The following TRAF6 variants were observed in gnomAD, a reference collection of about 807,000 sequenced individuals.
The protein encoded by TRAF6 is TNF receptor-associated factor 6.
A neutral mutation model predicts 48.4 loss-of-function variants in TRAF6; 10 were observed. The observed-to-expected ratio is 0.21, with a 90% CI of 0.13 to 0.35. The LOEUF (loss-of-function observed/expected upper bound fraction) is 0.35, where lower values mean the gene tolerates loss of function less well. Among genes scored for constraint, TRAF6 ranks in the 10% least tolerant of loss-of-function variants. TRAF6 has a pLI of 1.00. For synonymous variants in TRAF6, 186 were observed against 219.6 expected, an observed-to-expected ratio of 0.85 and a Z score of 1.35; for missense variants, 397 against 661.0, an observed-to-expected ratio of 0.60 and a Z score of 4.38.
intron 1 of TRAF6, among the ~76,000 whole-genome samples, chr11:36,509,376 G>A (rs1349316639): frequency 6.6e-6 from 1 of 151,308 alleles, no homozygotes. Flanking sequence ...ACAATCGCTC[G>A]AACTACCGAG....
intron 1 of TRAF6, among the ~76,000 whole-genome samples, chr11:36,505,170 C>T (rs1859768363): frequency 6.6e-6 from 1 of 152,142 alleles, no homozygotes; most frequent in African/African-American, 2.4e-5. Context: ...TCAGCCTGTC[C>T]TTTAAAATTT....
chr11:36,508,178 T>G (rs1859833392), intron 1 of TRAF6, among the ~76,000 whole-genome samples: 1 of 152,104 alleles, frequency 6.6e-6, no homozygotes, highest in Non-Finnish European at 1.5e-5. Flanking sequence ...TATTCTAGTA[T>G]ACTTACGTGG....
rs1859502460 is a variant in TRAF6 at position 36,487,538 on chromosome 11, G to A, written c.*2300C>T. ...AGAGGAAAGTATCAGTGTCAGCAAA[G>A]AGTAAGTTAAAGACATTTTATACTG... is the stretch of plus-strand genomic sequence containing the variant. On this transcript the variant is annotated 3_prime_UTR_variant, in exon 7 of 7. Coordinates refer to ENST00000526995, the MANE Select transcript of TRAF6 (RefSeq NM_004620.4). The A allele has an allele frequency of 6.6e-6, 1 of 152,190 alleles. No homozygotes were observed. Among genetic ancestry groups the A allele is most frequent in the African/African-American group, 2.4e-5 (1 of 41,444 alleles). 9.4% of individuals were successfully genotyped at this position (152,190 alleles called of 1,614,324 possible).
Position 36,491,538 on chromosome 11 carries a change from A to G in TRAF6, c.757-888T>C, listed in dbSNP as rs79965715. Among the ~76,000 whole-genome samples the G allele has an allele frequency of 5.9e-5, 9 of 152,326 alleles. No individual in the cohort carries two copies. In the East Asian group the frequency reaches 1.7e-3, roughly 29 times the overall value. On this transcript the variant is annotated intron_variant, in intron 6 of 6. Transcript: ENST00000526995. The stretch of plus-strand genomic sequence containing the variant: ...AGTCAGGGAAAAAAAAGTATAATGG[A>G]AAACCAAAAGTGTAACTGCACTCTC...
intron 1 of TRAF6, among the ~76,000 whole-genome samples, chr11:36,503,776 T>G (rs1056244173): frequency 6.6e-5 from 10 of 152,158 alleles, no homozygotes; most frequent in Non-Finnish European, 1.5e-4. Flanking sequence ...CTTTATACCT[T>G]CCAAATCTGA....
chr11:36,490,574 T>C lies in TRAF6; in HGVS notation c.833A>G (p.His278Arg). Residue 278 changes from histidine (H) to arginine (R), a missense_variant, in exon 7 of 7, where the codon CAT (histidine) becomes CGT (arginine). Transcript: ENST00000526995. The surrounding 1 kb of genome is among the most constrained non-coding windows in gnomAD (Gnocchi z 6.4). ...SHMRMLAQAVHSLSVIPDSGY... is the reference protein window; with the variant it reads ...SHMRMLAQAVRSLSVIPDSGY... Reference sequence around the variant, plus strand: ...AGAGTCGGGTATAACGCTCAAACTATGAACAGCCTGGGCCAACATTCTCAT... The same window carrying C: ...AGAGTCGGGTATAACGCTCAAACTACGAACAGCCTGGGCCAACATTCTCAT... The C allele has an allele frequency of 1.9e-6, 3 of 1,614,200 alleles. No individual in the cohort carries two copies. Among genetic ancestry groups the C allele is most frequent in the Middle Eastern group, 1.7e-4 (1 of 6,058 alleles).
chr11:36,508,687 T>C (rs1859844510), intron 1 of TRAF6, among the ~76,000 whole-genome samples: 1 of 152,186 alleles, frequency 6.6e-6, no homozygotes. Context: ...AAACAGAAAC[T>C]GTTTACCAGC....
chr11:36,492,470 T>C (rs1859576501), intron 6 of TRAF6, 81 bp downstream of exon 6: 1 of 1,135,810 alleles, frequency 8.8e-7, no homozygotes, highest in Non-Finnish European at 1.3e-6. Flanking sequence ...TACATCTACA[T>C]TCTTGTTGTT....
chr11:36,508,190 T>C (rs994093301), intron 1 of TRAF6, among the ~76,000 whole-genome samples: 2 of 152,226 alleles, frequency 1.3e-5, no homozygotes, highest in East Asian at 3.9e-4. Flanking sequence ...CTTACGTGGC[T>C]TTCTACAGGA....
rs779230479 is a variant in TRAF6 at position 36,501,394 on chromosome 11, C to T, written c.122G>A (p.Ser41Asn). 6.2e-7 allele frequency: 1 copy of T among 1,614,182 alleles called. No homozygotes were observed. Among genetic ancestry groups the T allele is most frequent in the South Asian group, 1.1e-5 (1 of 91,082 alleles). Residue 41 changes from serine to asparagine, a missense_variant, in exon 2 of 7, where the codon AGC becomes AAC. Ser to Asn is a conservative substitution (Grantham distance 46). Transcript: ENST00000526995. ...TKDDSVGGTASTGNLSSSFME... is the reference protein window; with the variant it reads ...TKDDSVGGTANTGNLSSSFME... ...AAATGAGCTGGAGAGGTTCCCCGTG[C>T]TGGCAGTTCCACCCACACTATCATC...
chr11:36,484,327 A>T lies in TRAF6; in HGVS notation c.*5511T>A, dbSNP rs1037498266. On this transcript the variant is annotated 3_prime_UTR_variant, in exon 7 of 7. Coordinates refer to ENST00000526995, the MANE Select transcript of TRAF6 (RefSeq NM_004620.4). ...TTTCCCCACCCTTATCTTTGCATTC[A>T]CTCCCTCTCATAAAGGATGCATTTT... 6.6e-6 allele frequency among the ~76,000 whole-genome samples: 1 copy of T among 151,826 alleles called. No individual in the cohort carries two copies. The highest frequency in any genetic ancestry group is 1.5e-5 in the Non-Finnish European group (1 of 67,980).
rs1331347492 is a variant in TRAF6, at chr11:36,489,138, G to A, written c.*700C>T. The A allele has an allele frequency of 1.3e-5, 2 of 152,480 alleles. No individual in the cohort carries two copies. Among genetic ancestry groups the A allele is most frequent in the African/African-American group, 2.4e-5 (1 of 41,558 alleles). The allele number at this position is 152,480 out of a possible 1,614,324, so 9.4% of individuals were successfully genotyped here. ...TAAACTCTGGGGAAGATGCTACTTC[G>A]TAACCTCAAGGAAATAAGTAAGCAA... On this transcript the variant is annotated 3_prime_UTR_variant, in exon 7 of 7. Transcript: ENST00000526995.
rs1859712412 is a variant in TRAF6 at position 36,501,333 on chromosome 11, G to T, written c.183C>A (p.Asp61Glu). 5.0e-6 allele frequency: 8 copies of T among 1,614,036 alleles called. No homozygotes were observed. The highest frequency in any genetic ancestry group is 6.8e-6 in the Non-Finnish European group (8 of 1,180,014). The part of the protein sequence containing the change: ...EEIQGYDVEF[D>E]PPLESKYECP... ...ATTCATACTTGCTTTCCAGGGGTGG[G>T]TCAAACTCTACATCATATCCCTGGA... The change falls in exon 2 of 7, where the codon GAC becomes GAA. Residue 61 changes from aspartate (D) to glutamate (E), a missense_variant. By Grantham distance (45) the Asp-to-Glu change is conservative (BLOSUM62 2). Transcript: ENST00000526995.
At chr11:36,507,799 G>A (rs4480521) in intron 1 of TRAF6, among the ~76,000 whole-genome samples, 71,303 of 140,496 alleles carry the variant, frequency 0.51, 19,900 homozygotes, top group East Asian at 0.72. Flanking sequence ...TATTATATAT[G>A]TGTATATATA....
At position 36,490,403 on chromosome 11, in the gene TRAF6, C is replaced by T; in HGVS notation, c.1004G>A (p.Arg335Gln). The T allele has an allele frequency of 3.1e-6, 5 of 1,614,088 alleles. No individual in the cohort carries two copies. The highest frequency in any genetic ancestry group is 2.2e-5 in the South Asian group (2 of 91,070). The change falls in exon 7 of 7, where the codon CGA (arginine) becomes CAA (glutamine). Residue 335 changes from arginine to glutamine, a missense_variant. Coordinates refer to ENST00000526995, the MANE Select transcript of TRAF6 (RefSeq NM_004620.4). This position sits in a 1 kb window ranked among gnomAD's most constrained non-coding sequence, Gnocchi z 6.4. ...TTCAGCAACTTTGTCCTCAAGGGTT[C>T]GAATGGTTCGTTTGAGCTCACTTAC... is the stretch of plus-strand genomic sequence containing the variant. ...MYVSELKRTI[R>Q]TLEDKVAEIE...
intron 6 of TRAF6, among the ~76,000 whole-genome samples, chr11:36,491,128 C>T (rs923776502): frequency 2.0e-5 from 3 of 147,196 alleles, no homozygotes; most frequent in African/African-American, 7.8e-5. Flanking sequence ...GAGCTTTTGT[C>T]TCTCTCTAGT....
intron 5 of TRAF6, among the ~76,000 whole-genome samples, chr11:36,494,643 A>C (rs1859605656): frequency 6.6e-6 from 1 of 151,680 alleles, no homozygotes; most frequent in South Asian, 2.1e-4. Context: ...ATATATATAT[A>C]TATCTTAGTT....
rs1794697091 is a variant in TRAF6, at chr11:36,501,459, G to A, written c.57C>T (p.Cys19=). 1 of 1,614,010 alleles carries A rather than the reference G, an allele frequency of 6.2e-7. No individual in the cohort carries two copies. Among genetic ancestry groups the A allele is most frequent in the East Asian group, 2.2e-5 (1 of 44,886 alleles). Residue 19 remains cysteine, a synonymous_variant, in exon 2 of 7, where the codon TGC becomes TGT. Coordinates refer to ENST00000526995, the MANE Select transcript of TRAF6 (RefSeq NM_004620.4). ...SCGSSQSESD[C]CVAMASSCSA... is the part of the protein sequence containing the mutation. Reference sequence around the variant, plus strand: ...TACAGGAGCTGGCCATGGCCACACAGCAGTCACTTTCAGACTGGCTGGATC... The same window carrying A: ...TACAGGAGCTGGCCATGGCCACACAACAGTCACTTTCAGACTGGCTGGATC...
intron 5 of TRAF6, 53 bp from the exon 6 acceptor site, chr11:36,492,681 GT>G: frequency 7.4e-7 from 1 of 1,356,228 alleles, no homozygotes; most frequent in Non-Finnish European, 1.0e-6. Flanking sequence ...TCATTTTCTA[GT>G]TTGATGCGAT....
Sources: allele counts gnomAD v4.1 joint callset (sites outside exome capture counted in the v4.1 genomes callset), GRCh38; gene constraint gnomAD v4.1.1; non-coding constraint Gnocchi (gnomAD v3.1); transcripts MANE v1.5; gene names NCBI Gene and HGNC (gene_info 2026-07-23, HGNC 2026-07-21).